The following RASEF variants were observed in gnomAD, a reference collection of about 807,000 sequenced individuals.
RASEF encodes the protein ras and EF-hand domain-containing protein.
A neutral mutation model predicts 90.1 loss-of-function variants in RASEF; 68 were observed. That is an observed-to-expected ratio of 0.75 (90% CI 0.62 to 0.92). The LOEUF (loss-of-function observed/expected upper bound fraction) is 0.92. RASEF is among the 40% of genes least tolerant of loss of function. The pLI is 0.00. For missense variants in RASEF, 949 were observed against 937.2 expected, an observed-to-expected ratio of 1.01 and a Z score of -0.16; for synonymous variants, 331 against 345.2, an observed-to-expected ratio of 0.96 and a Z score of 0.46.
the RASEF span, among the ~76,000 whole-genome samples, chr9:83,093,076 T>C: frequency 1.1e-4 from 17 of 152,024 alleles, no homozygotes; most frequent in African/African-American, 2.2e-4. Context: ...AGAGTGTCGA[T>C]TGGTGCGCTC....
At chr9:83,184,936 C>A in the RASEF span, among the ~76,000 whole-genome samples, 1 of 152,138 alleles carries the variant, frequency 6.6e-6, no homozygotes, top group Non-Finnish European at 1.5e-5. Context: ...CGTGCAGCAT[C>A]AGCATCCCCT....
intron 16 of RASEF, among the ~76,000 whole-genome samples, chr9:82,989,987 A>C (rs7032397): frequency 6.6e-6 from 1 of 152,328 alleles, no homozygotes; most frequent in African/African-American, 2.4e-5. Context: ...AATTCTGACA[A>C]AGTGTTTCTA....
chr9:83,029,099 C>T (rs1421280254), intron 1 of RASEF, among the ~76,000 whole-genome samples: 1 of 152,162 alleles, frequency 6.6e-6, no homozygotes, highest in Non-Finnish European at 1.5e-5. Context: ...ACCACAAATA[C>T]CTAGGCAGCC....
At chr9:83,025,753 T>A (rs576419775) in intron 2 of RASEF, 22 bp downstream of exon 2, 107 of 1,610,316 alleles carry the variant, frequency 6.6e-5, no homozygotes, top group Non-Finnish European at 9.0e-5. Context: ...ACAGGCCACT[T>A]ATAAAGGAAG....
the RASEF span, among the ~76,000 whole-genome samples, chr9:83,185,353 C>CTTTCTT: frequency 3.5e-5 from 5 of 143,084 alleles, no homozygotes; most frequent in Admixed American, 7.0e-5. Flanking sequence ...TTCTTTCTTT[C>CTTTCTT]TTTTTTTTTT....
At chr9:83,014,504 G>A (rs1829306991) in intron 4 of RASEF, among the ~76,000 whole-genome samples, 1 of 151,934 alleles carries the variant, frequency 6.6e-6, no homozygotes. Flanking sequence ...TTTTGCAGTG[G>A]TGGGATCTCA....
the RASEF span, among the ~76,000 whole-genome samples, chr9:83,101,328 C>T: frequency 9.2e-5 from 14 of 152,260 alleles, no homozygotes; most frequent in African/African-American, 2.9e-4. Flanking sequence ...TCCTGATATT[C>T]GGGGTCTGCA....
the RASEF span, among the ~76,000 whole-genome samples, chr9:83,099,643 T>A: frequency 3.3e-4 from 51 of 152,358 alleles, no homozygotes; most frequent in African/African-American, 1.2e-3. Context: ...TAATTTGCCA[T>A]GAGATGGTCT....
the RASEF span, among the ~76,000 whole-genome samples, chr9:83,187,877 A>G: frequency 1.6e-4 from 25 of 152,298 alleles, 1 homozygote; most frequent in South Asian, 5.0e-3. Context: ...TGTAACAGCA[A>G]CACGAGAGCT....
At chr9:83,127,644 G>A in the RASEF span, among the ~76,000 whole-genome samples, 415 of 152,294 alleles carry the variant, frequency 2.7e-3, 3 homozygotes, top group African/African-American at 9.8e-3. Context: ...GAGCAAGAAA[G>A]AGAGTTTTAT....
the RASEF span, among the ~76,000 whole-genome samples, chr9:83,170,076 CTTTAA>C: frequency 6.6e-6 from 1 of 151,940 alleles, no homozygotes; most frequent in Non-Finnish European, 1.5e-5. Context: ...ACATTTAAGT[CTTTAA>C]TTTATTTTGA....
At chr9:82,992,518 G>A (rs1214812122) in intron 15 of RASEF, among the ~76,000 whole-genome samples, 2 of 152,132 alleles carry the variant, frequency 1.3e-5, no homozygotes, top group East Asian at 1.9e-4. Flanking sequence ...TCTGCCTTTG[G>A]CATTATAACC....
At chr9:83,139,649 CA>C in the RASEF span, among the ~76,000 whole-genome samples, 1 of 152,026 alleles carries the variant, frequency 6.6e-6, no homozygotes, top group African/African-American at 2.4e-5. Flanking sequence ...CTTGCTGTCT[CA>C]GGGGTGGCAG....
the RASEF span, among the ~76,000 whole-genome samples, chr9:83,095,247 C>T: frequency 2.0e-5 from 3 of 152,068 alleles, no homozygotes; most frequent in African/African-American, 4.8e-5. Flanking sequence ...AGTCTTGGGG[C>T]GCACTGCTTG....
chr9:83,176,241 T>C, the RASEF span, among the ~76,000 whole-genome samples: 4 of 152,242 alleles, frequency 2.6e-5, no homozygotes, highest in Non-Finnish European at 5.9e-5. Flanking sequence ...CCATTTATCA[T>C]TATGAAATCT....
At chr9:83,017,392 C>T (rs145543052) in intron 3 of RASEF, among the ~76,000 whole-genome samples, 7 of 150,764 alleles carry the variant, frequency 4.6e-5, no homozygotes, top group African/African-American at 1.5e-4. Flanking sequence ...CCCAGCTACT[C>T]GGGAGGCTGA....
At chr9:83,182,534 A>C in the RASEF span, among the ~76,000 whole-genome samples, 8 of 152,218 alleles carry the variant, frequency 5.3e-5, no homozygotes, top group Non-Finnish European at 8.8e-5. Context: ...ATTGCGATTT[A>C]AGTATAATTT....
chr9:83,078,074 C>T, the RASEF span, among the ~76,000 whole-genome samples: 1 of 152,186 alleles, frequency 6.6e-6, no homozygotes, highest in African/African-American at 2.4e-5. Context: ...ATCATCACCA[C>T]CTGGGAAATT....
the RASEF span, among the ~76,000 whole-genome samples, chr9:83,140,369 A>G: frequency 6.6e-6 from 1 of 152,206 alleles, no homozygotes; most frequent in Non-Finnish European, 1.5e-5. Flanking sequence ...GCTGATTCAA[A>G]GTCTTTAGTC....
Sources: gnomAD v4.1 joint callset for allele counts (sites outside exome capture counted in the v4.1 genomes callset) on GRCh38, gnomAD v4.1.1 for gene constraint, MANE v1.5 for transcripts, NCBI Gene and HGNC (gene_info 2026-07-23, HGNC 2026-07-21) for gene names.